Variants in CNTNAP4 observed in about 807,000 individuals in gnomAD.
CNTNAP4 encodes contactin-associated protein-like 4.
A neutral mutation model predicts 148.4 loss-of-function variants in CNTNAP4; 98 were observed. The ratio of observed to expected loss-of-function variants is 0.66; its 90% confidence interval spans 0.56 to 0.78. The LOEUF (loss-of-function observed/expected upper bound fraction) is 0.78. Among genes scored for constraint, CNTNAP4 ranks in the 30% least tolerant of loss-of-function variants. CNTNAP4 has a pLI of 0.00. For missense variants in CNTNAP4, 1,935 were observed against 1,565.6 expected (o/e 1.24, Z -3.98); for synonymous variants, 730 against 565.1 (o/e 1.29, Z -4.14).
intron 17 of CNTNAP4, among the ~76,000 whole-genome samples, chr16:76,524,199 T>A (rs915397035): frequency 6.6e-6 from 1 of 152,202 alleles, no homozygotes. Flanking sequence ...GGCACTATAA[T>A]AGACAATCTA....
rs1165215794 is a variant in CNTNAP4, at chr16:76,509,667, C to T, written c.2365+10973C>T. Among the ~76,000 whole-genome samples, 7 of 97,040 alleles carry T rather than the reference C, an allele frequency of 7.2e-5. 3 individuals are homozygous for T. The highest frequency in any genetic ancestry group is 1.8e-4 in the Non-Finnish European group (6 of 34,216). The allele number at this position is 97,040 out of a possible 152,430, so 63.7% of individuals were successfully genotyped here. On this transcript the variant is annotated intron_variant, in intron 15 of 23. Transcript: ENST00000611870. ...TTATCTACTGTGAGAAATGGAAAAG[C>T]TAGCACTCATTTCTTCTTTCCCCTT... is the stretch of plus-strand genomic sequence containing the variant.
chr16:76,351,396 A>G (rs1416605883), intron 2 of CNTNAP4, among the ~76,000 whole-genome samples: 1 of 152,110 alleles, frequency 6.6e-6, no homozygotes, highest in Admixed American at 6.6e-5. Context: ...AGAATAATCA[A>G]TTTATCTCTA....
chr16:76,277,693 A>G lies in CNTNAP4; in HGVS notation c.31A>G (p.Thr11Ala). Reference sequence around the variant, plus strand: ...ATCTGTCACGGGAGCTGTCCTCAAGACGCTACTTCTGTTATCTACTCAAAA... The same window carrying G: ...ATCTGTCACGGGAGCTGTCCTCAAGGCGCTACTTCTGTTATCTACTCAAAA... MGSVTGAVLK[T>A]LLLLSTQNWN... The change falls in exon 1 of 24, where the codon ACG becomes GCG. Residue 11 changes from threonine to alanine, a missense_variant. Coordinates refer to ENST00000611870, the MANE Select transcript of CNTNAP4 (RefSeq NM_033401.5). 2 of 1,606,230 alleles carry G rather than the reference A, an allele frequency of 1.2e-6. No individual in the cohort carries two copies.
intron 12 of CNTNAP4, among the ~76,000 whole-genome samples, chr16:76,486,917 A>T (rs776089967): frequency 1.3e-5 from 2 of 152,154 alleles, no homozygotes; most frequent in African/African-American, 4.8e-5. Context: ...GGTATGAGAG[A>T]TTGATGCTGA....
At position 76,540,665 on chromosome 16, in the gene CNTNAP4, C is replaced by G. The variant is rs545518276; in HGVS notation, c.3355-38C>G. 4 of 1,420,886 alleles carry G rather than the reference C, an allele frequency of 2.8e-6. No homozygotes were observed. In the East Asian group the frequency reaches 1.0e-4, roughly 36 times the overall value. The allele number at this position is 1,420,886 out of a possible 1,614,324, so 88.0% of individuals were successfully genotyped here. A position where few individuals can be genotyped will look rare whatever the true frequency, so the allele number is the denominator to read the frequency against. ...TCCTGTCTTCTCAACAAAACGTCAT[C>G]CATTTGGATGTTTTTATCTTGTGTA... On this transcript the variant is annotated intron_variant, in intron 20 of 23. Transcript: ENST00000611870.
intron 4 of CNTNAP4, among the ~76,000 whole-genome samples, chr16:76,430,581 A>C (rs1339477969): frequency 6.6e-6 from 1 of 152,196 alleles, no homozygotes; most frequent in African/African-American, 2.4e-5. Context: ...ACTGAATCAC[A>C]GCCACAGGAC....
intron 4 of CNTNAP4, among the ~76,000 whole-genome samples, chr16:76,440,965 C>T (rs1461619448): frequency 6.6e-6 from 1 of 151,982 alleles, no homozygotes; most frequent in East Asian, 1.9e-4. Flanking sequence ...AATATATTGC[C>T]ATGAGGGGTG....
At chr16:76,544,255 G>A (rs370781974) in intron 21 of CNTNAP4, among the ~76,000 whole-genome samples, 3 of 150,446 alleles carry the variant, frequency 2.0e-5, no homozygotes, top group Non-Finnish European at 4.4e-5. Flanking sequence ...TACAACAAAC[G>A]ACTTAAGTAT....
At chr16:76,297,298 A>G (rs28469406) in intron 1 of CNTNAP4, among the ~76,000 whole-genome samples, 3,773 of 152,294 alleles carry the variant, frequency 0.025, 159 homozygotes, top group African/African-American at 0.085. Context: ...AATCATATTG[A>G]CTGGGAATTT....
At position 76,447,810 on chromosome 16, in the gene CNTNAP4, G is replaced by A. The variant is rs541455245; in HGVS notation, c.539-202G>A. Among the ~76,000 whole-genome samples, 7 of 152,268 alleles carry A rather than the reference G, an allele frequency of 4.6e-5. No homozygotes were observed. In the East Asian group the frequency reaches 1.2e-3, roughly 25 times the overall value. ...AACTATGAGGTTTGGTGGGTTACAT[G>A]TATTAGATGCATTTTCAACTAACAA... On this transcript the variant is annotated intron_variant, in intron 4 of 23. Coordinates refer to ENST00000611870, the MANE Select transcript of CNTNAP4 (RefSeq NM_033401.5).
intron 2 of CNTNAP4, among the ~76,000 whole-genome samples, chr16:76,324,115 C>T (rs1045896023): frequency 7.2e-5 from 11 of 152,194 alleles, no homozygotes; most frequent in African/African-American, 2.4e-5. Flanking sequence ...TACCTTAAGG[C>T]AGATTATCCT....
intron 15 of CNTNAP4, among the ~76,000 whole-genome samples, chr16:76,507,233 A>G (rs1242587954): frequency 1.0e-5 from 1 of 97,362 alleles, no homozygotes; most frequent in African/African-American, 2.6e-5. Context: ...TAATCTAATT[A>G]TACTATTTTT....
intron 15 of CNTNAP4, among the ~76,000 whole-genome samples, chr16:76,509,320 T>C (rs1415627405): frequency 2.1e-5 from 2 of 96,730 alleles, no homozygotes; most frequent in African/African-American, 5.2e-5. Flanking sequence ...GCATCCTTCC[T>C]CCAAATGTGA....
intron 8 of CNTNAP4, among the ~76,000 whole-genome samples, chr16:76,459,078 G>C (rs56350929): frequency 0.05 from 7,626 of 152,228 alleles, 409 homozygotes; most frequent in African/African-American, 0.14. Context: ...TTGGACACCA[G>C]TGGAAAGTCT....
At chr16:76,525,871 T>C (rs2083708880) in intron 17 of CNTNAP4, among the ~76,000 whole-genome samples, 1 of 148,588 alleles carries the variant, frequency 6.7e-6, no homozygotes, top group African/African-American at 2.4e-5. Flanking sequence ...ATATATAAAC[T>C]ATGTAACTAT....
intron 2 of CNTNAP4, among the ~76,000 whole-genome samples, chr16:76,338,076 G>A (rs1284985269): frequency 6.6e-6 from 1 of 152,142 alleles, no homozygotes; most frequent in Non-Finnish European, 1.5e-5. Context: ...TTACAAAGAT[G>A]ACGGGATTAA....
At position 76,489,666 on chromosome 16, in the gene CNTNAP4, C is replaced by G. The variant is rs886518040; in HGVS notation, c.1883-20C>G. The G allele has an allele frequency of 1.4e-6, 2 of 1,408,372 alleles. No individual in the cohort carries two copies. Among genetic ancestry groups the G allele is most frequent in the Non-Finnish European group, 9.5e-7 (1 of 1,049,636 alleles). 87.2% of individuals were successfully genotyped at this position (1,408,372 alleles called of 1,614,324 possible). A position where few individuals can be genotyped will look rare whatever the true frequency, so the allele number is the denominator to read the frequency against. ...CTAGTGATGGTCTCCTCTCTTTCTC[C>G]CCCCATTTCTGCATACAAGAAACTG... On this transcript the variant is annotated intron_variant, in intron 12 of 23. Transcript: ENST00000611870.
At position 76,559,007 on chromosome 16, in the gene CNTNAP4, A is replaced by C. The variant is rs151291319; in HGVS notation, c.*324A>C. On this transcript the variant is annotated 3_prime_UTR_variant, in exon 24 of 24. Transcript: ENST00000611870. ...CCTTGGTCTCTTAACCATGTAATAC[A>C]TAAGTTTTGTTAGAGGTAAAAATTA... is the stretch of plus-strand genomic sequence containing the variant. 1 of 171,668 alleles carries C rather than the reference A, an allele frequency of 5.8e-6. No individual in the cohort carries two copies. Among genetic ancestry groups the C allele is most frequent in the Non-Finnish European group, 1.2e-5 (1 of 81,178 alleles). 10.6% of individuals were successfully genotyped at this position (171,668 alleles called of 1,614,324 possible).
At chr16:76,307,548 C>A (rs1960626779) in intron 1 of CNTNAP4, among the ~76,000 whole-genome samples, 1 of 93,966 alleles carries the variant, frequency 1.1e-5, no homozygotes, top group Non-Finnish European at 2.0e-5. Context: ...ATACCAAACT[C>A]CAGAAATGCT....
Sources: allele counts gnomAD v4.1 joint callset (sites outside exome capture counted in the v4.1 genomes callset), GRCh38; gene constraint gnomAD v4.1.1; transcripts MANE v1.5; gene names NCBI Gene and HGNC (gene_info 2026-07-23, HGNC 2026-07-21).